Variants in PRKN observed in about 807,000 individuals in gnomAD.
The protein encoded by PRKN is E3 ubiquitin-protein ligase parkin.
In PRKN, 56 loss-of-function variants were observed where a neutral mutation model predicts 59.5. That is an observed-to-expected ratio of 0.94 (90% CI 0.76 to 1.18). The LOEUF (loss-of-function observed/expected upper bound fraction) is 1.18, where lower values mean the gene tolerates loss of function less well. Among genes scored for constraint, PRKN ranks in the 50% most tolerant of loss-of-function variants. The pLI is 0.00. For synonymous variants in PRKN, 250 were observed against 222.1 expected (o/e 1.13, Z -1.12); for missense variants, 657 against 596.4 (o/e 1.10, Z -1.06).
At chr6:161,430,651 T>G (rs1371789357) in intron 9 of PRKN, among the ~76,000 whole-genome samples, 3 of 150,962 alleles carry the variant, frequency 2.0e-5, no homozygotes, top group African/African-American at 7.3e-5. Context: ...CTGTCTCTAC[T>G]AAAAATACAA....
At chr6:162,254,791 G>A (rs1395143899) in intron 3 of PRKN, among the ~76,000 whole-genome samples, 2 of 151,988 alleles carry the variant, frequency 1.3e-5, no homozygotes, top group East Asian at 3.9e-4. Flanking sequence ...CATCGCCAAA[G>A]GGTCCTTTGA....
At chr6:161,874,578 G>A (rs182935197) in intron 6 of PRKN, among the ~76,000 whole-genome samples, 12,822 of 81,574 alleles carry the variant, frequency 0.16, 1,646 homozygotes, top group African/African-American at 0.25. Context: ...TATATATTAT[G>A]TAAAATATAT....
intron 6 of PRKN, among the ~76,000 whole-genome samples, chr6:161,850,340 A>G (rs1793374646): frequency 1.3e-5 from 2 of 152,052 alleles, no homozygotes; most frequent in Non-Finnish European, 2.9e-5. Context: ...AGCACTTTGG[A>G]AGGCTGAGGT....
chr6:162,319,920 A>G (rs764308226), intron 2 of PRKN, among the ~76,000 whole-genome samples: 2 of 151,916 alleles, frequency 1.3e-5, no homozygotes, highest in Non-Finnish European at 2.9e-5. Context: ...TATATATAAT[A>G]TACATTGTAC....
intron 6 of PRKN, among the ~76,000 whole-genome samples, chr6:161,891,035 G>A (rs1011629421): frequency 2.0e-5 from 3 of 152,138 alleles, no homozygotes; most frequent in Non-Finnish European, 2.9e-5. Context: ...GCTACAAAGC[G>A]GGAAATAACA....
At chr6:161,403,242 C>G (rs1201488306) in intron 9 of PRKN, among the ~76,000 whole-genome samples, 2 of 152,074 alleles carry the variant, frequency 1.3e-5, no homozygotes, top group Non-Finnish European at 2.9e-5. Flanking sequence ...TTTCTTCTGG[C>G]TCTCTTAATA....
intron 6 of PRKN, among the ~76,000 whole-genome samples, chr6:161,959,701 G>T (rs1234513911): frequency 6.6e-6 from 1 of 151,926 alleles, no homozygotes; most frequent in African/African-American, 2.4e-5. Flanking sequence ...TAAATGCCTC[G>T]TTTCTAAAAA....
intron 6 of PRKN, among the ~76,000 whole-genome samples, chr6:161,888,777 A>G (rs1157116434): frequency 6.6e-6 from 1 of 151,966 alleles, no homozygotes; most frequent in East Asian, 1.9e-4. Flanking sequence ...AGAACCTTCA[A>G]TCCATTAACC....
chr6:162,671,864 G>A (rs763483027), intron 1 of PRKN, among the ~76,000 whole-genome samples: 2 of 151,958 alleles, frequency 1.3e-5, no homozygotes, highest in Non-Finnish European at 2.9e-5. Context: ...AATCAGGCAG[G>A]TGCTGAGAGG....
At position 162,470,078 on chromosome 6, in the gene PRKN, G is replaced by A. The variant is rs566931066; in HGVS notation, c.8-26605C>T. Reference sequence around the variant, plus strand: ...GGCCTGACTATCAGTGCTGTCCTGCGAAAGTGAAGCATCTCGTGAGGAAGT... The same window carrying A: ...GGCCTGACTATCAGTGCTGTCCTGCAAAAGTGAAGCATCTCGTGAGGAAGT... On this transcript the variant is annotated intron_variant, in intron 1 of 11. Transcript: ENST00000366898. Among the ~76,000 whole-genome samples the A allele has an allele frequency of 6.6e-5, 10 of 152,204 alleles. No homozygotes were observed. The East Asian group carries it at 1.7e-3, about 27-fold the overall frequency.
chr6:161,634,861 G>T (rs376022113), intron 7 of PRKN, among the ~76,000 whole-genome samples: 2 of 152,222 alleles, frequency 1.3e-5, no homozygotes, highest in African/African-American at 2.4e-5. Context: ...GAGAAAGGAA[G>T]AGAAGAGTTA....
At chr6:162,212,016 A>T (rs1240986469) in intron 3 of PRKN, among the ~76,000 whole-genome samples, 1 of 152,162 alleles carries the variant, frequency 6.6e-6, no homozygotes. Context: ...ACTATGAATT[A>T]CATATTGTTC....
chr6:161,510,810 A>C (rs1279355917), intron 9 of PRKN, among the ~76,000 whole-genome samples: 2 of 152,194 alleles, frequency 1.3e-5, no homozygotes, highest in East Asian at 3.9e-4. Context: ...CATTTGAATG[A>C]AATATGTTGG....
intron 3 of PRKN, among the ~76,000 whole-genome samples, chr6:162,246,576 A>T (rs1023966909): frequency 2.0e-5 from 3 of 152,134 alleles, no homozygotes; most frequent in East Asian, 3.9e-4. Context: ...AAATCCAATC[A>T]CATACATATG....
intron 1 of PRKN, among the ~76,000 whole-genome samples, chr6:162,650,754 G>A (rs901309067): frequency 6.6e-6 from 1 of 152,128 alleles, no homozygotes; most frequent in Non-Finnish European, 1.5e-5. Context: ...GCTTATCCTA[G>A]AGTCCAATAA....
intron 1 of PRKN, among the ~76,000 whole-genome samples, chr6:162,566,944 A>C (rs1780108794): frequency 6.6e-6 from 1 of 152,218 alleles, no homozygotes; most frequent in East Asian, 1.9e-4. Flanking sequence ...CTGGGATGCA[A>C]GGATGATTCA....
At chr6:161,675,493 ACT>A (rs1160013600) in intron 7 of PRKN, among the ~76,000 whole-genome samples, 20 of 152,210 alleles carry the variant, frequency 1.3e-4, no homozygotes, top group African/African-American at 4.1e-4. Context: ...CAATTTAATA[ACT>A]CTGTCTGATA....
chr6:161,421,297 T>C lies in PRKN; in HGVS notation c.1084-34420A>G, dbSNP rs529690725. Among the ~76,000 whole-genome samples the C allele has an allele frequency of 1.6e-4, 25 of 152,294 alleles. 2 individuals carry two copies. The highest frequency in any genetic ancestry group is 3.9e-4 in the Admixed American group (6 of 15,296). On this transcript the variant is annotated intron_variant, in intron 9 of 11. Coordinates refer to ENST00000366898, the MANE Select transcript of PRKN (RefSeq NM_004562.3). ...CATAAATGGAAATTCTCAGGTGACT[T>C]TGAATGGCAAAAATCAGTCCTTTCT...
At chr6:161,513,826 G>T (rs1328069359) in intron 9 of PRKN, among the ~76,000 whole-genome samples, 1 of 152,132 alleles carries the variant, frequency 6.6e-6, no homozygotes, top group Non-Finnish European at 1.5e-5. Context: ...ATCACTGAAA[G>T]CTGGGCTATC....
Sources: gnomAD v4.1 joint callset for allele counts (sites outside exome capture counted in the v4.1 genomes callset) on GRCh38, gnomAD v4.1.1 for gene constraint, MANE v1.5 for transcripts, NCBI Gene and HGNC (gene_info 2026-07-23, HGNC 2026-07-21) for gene names.